Variants in TMCC1 observed in about 807,000 individuals in gnomAD.
TMCC1 encodes the protein transmembrane and coiled-coil domains protein 1.
TMCC1 carries 15 observed loss-of-function variants against 52.4 expected under a neutral mutation model. The ratio of observed to expected loss-of-function variants is 0.29; its 90% CI spans 0.19 to 0.44. TMCC1 has a LOEUF of 0.44. Ranked by LOEUF, TMCC1 falls within the 20% of genes least tolerant of loss-of-function variation. TMCC1 has a pLI of 1.00. For missense variants in TMCC1, 503 were observed against 806.0 expected (o/e 0.62, Z 4.55); for synonymous variants, 279 against 301.9 (o/e 0.92, Z 0.79).
chr3:129,822,751 T>A (rs2058479486), intron 4 of TMCC1, among the ~76,000 whole-genome samples: 1 of 152,182 alleles, frequency 6.6e-6, no homozygotes, highest in African/African-American at 2.4e-5. Context: ...TCAGGCAGGT[T>A]TTTAACATCT....
In TMCC1 at chr3:129,713,033, G is replaced by A. The variant is rs993930832; in HGVS notation, c.577-41769C>T. Among the ~76,000 whole-genome samples, 6 of 152,198 alleles carry A rather than the reference G, an allele frequency of 3.9e-5. 1 individual carries two copies. Among genetic ancestry groups the A allele is most frequent in the South Asian group, 4.2e-4 (2 of 4,816 alleles). On this transcript the variant is annotated intron_variant, in intron 4 of 6. Transcript: ENST00000393238. ...TCCCAGCACTTTGGGGTGCCAAGGCGGGAGGATTGCTTGAGCCCAGGAGTT... is the reference window on the plus strand; with the variant it reads ...TCCCAGCACTTTGGGGTGCCAAGGCAGGAGGATTGCTTGAGCCCAGGAGTT...
chr3:129,768,371 A>G (rs988381027), intron 4 of TMCC1, among the ~76,000 whole-genome samples: 17 of 152,200 alleles, frequency 1.1e-4, no homozygotes, highest in African/African-American at 4.1e-4. Context: ...ATGCCCATAT[A>G]TTTAGAAATA....
chr3:129,661,632 T>C (rs570749978), intron 5 of TMCC1, among the ~76,000 whole-genome samples: 1 of 152,102 alleles, frequency 6.6e-6, no homozygotes, highest in Admixed American at 6.5e-5. Context: ...AAACCCTGTC[T>C]CTACTAAAAA....
intron 5 of TMCC1, among the ~76,000 whole-genome samples, chr3:129,658,142 G>A (rs774967705): frequency 7.9e-5 from 12 of 152,042 alleles, no homozygotes; most frequent in Admixed American, 1.3e-4. Flanking sequence ...TCCTTCAATC[G>A]ATGGATGCTC....
At chr3:129,669,237 T>C (rs955975231) in intron 5 of TMCC1, among the ~76,000 whole-genome samples, 8 of 152,202 alleles carry the variant, frequency 5.3e-5, no homozygotes, top group African/African-American at 1.9e-4. Context: ...GAAAAGGATA[T>C]TAAAAGATTA....
At chr3:129,718,884 CTGTT>C (rs1052090930) in intron 4 of TMCC1, among the ~76,000 whole-genome samples, 9 of 152,096 alleles carry the variant, frequency 5.9e-5, no homozygotes, top group Admixed American at 2.0e-4. Context: ...CAGCAATAGA[CTGTT>C]AGTTAAGCTT....
chr3:129,819,221 T>A (rs2058288562), intron 4 of TMCC1, among the ~76,000 whole-genome samples: 1 of 152,150 alleles, frequency 6.6e-6, no homozygotes, highest in African/African-American at 2.4e-5. Context: ...TAGCTGGGAT[T>A]ACAGGTGTGC....
chr3:129,689,946 G>A (rs1353268584), intron 4 of TMCC1, among the ~76,000 whole-genome samples: 1 of 152,170 alleles, frequency 6.6e-6, no homozygotes, highest in Non-Finnish European at 1.5e-5. Context: ...CCCTAATCCT[G>A]TACCACTAGC....
At chr3:129,813,706 C>A (rs1053297597) in intron 4 of TMCC1, among the ~76,000 whole-genome samples, 1 of 151,766 alleles carries the variant, frequency 6.6e-6, no homozygotes, top group African/African-American at 2.4e-5. Flanking sequence ...ATGCTTATTA[C>A]CTGGGTAATG....
At chr3:129,814,225 G>A (rs768585416) in intron 4 of TMCC1, among the ~76,000 whole-genome samples, 1 of 151,996 alleles carries the variant, frequency 6.6e-6, no homozygotes, top group African/African-American at 2.4e-5. Context: ...TCACTCACAG[G>A]CTAATTTTCC....
chr3:129,882,019 C>A (rs956081778), intron 1 of TMCC1, among the ~76,000 whole-genome samples: 3 of 151,990 alleles, frequency 2.0e-5, no homozygotes, highest in African/African-American at 7.3e-5. Context: ...GCAAAAAACT[C>A]AAAAGAAAGC....
chr3:129,677,622 G>T (rs2088569468), intron 4 of TMCC1, among the ~76,000 whole-genome samples: 1 of 152,134 alleles, frequency 6.6e-6, no homozygotes, highest in Non-Finnish European at 1.5e-5. Context: ...ATTGTGATAA[G>T]ATGAAATTCT....
At chr3:129,798,344 G>C (rs1255103384) in intron 4 of TMCC1, among the ~76,000 whole-genome samples, 1 of 151,804 alleles carries the variant, frequency 6.6e-6, no homozygotes, top group Admixed American at 6.6e-5. Flanking sequence ...CATTTTTCTC[G>C]CAGAGATAGT....
intron 2 of TMCC1, among the ~76,000 whole-genome samples, chr3:129,843,038 G>C (rs2059492182): frequency 6.6e-6 from 1 of 152,044 alleles, no homozygotes; most frequent in South Asian, 2.1e-4. Context: ...AGTAAAAAAA[G>C]AACAAATTAT....
At position 129,651,345 on chromosome 3, in the gene TMCC1, A is replaced by G. The variant is rs2086308873; in HGVS notation, c.*136T>C. On this transcript the variant is annotated 3_prime_UTR_variant, in exon 7 of 7. Transcript: ENST00000393238. This position sits in a 1 kb window ranked among gnomAD's most constrained non-coding sequence, Gnocchi z 5.1. Reference sequence around the variant, plus strand: ...TGCAATTGCGTCTCTTGAAGAAAAAAACATTATTCTAAATGTAAACAGATT... The same window carrying G: ...TGCAATTGCGTCTCTTGAAGAAAAAGACATTATTCTAAATGTAAACAGATT... The G allele has an allele frequency of 9.5e-7, 1 of 1,053,792 alleles. No homozygotes were observed. The highest frequency in any genetic ancestry group is 1.3e-6 in the Non-Finnish European group (1 of 741,012). 65.3% of individuals were successfully genotyped at this position (1,053,792 alleles called of 1,614,324 possible).
At chr3:129,830,695 G>T (rs1245197029) in intron 3 of TMCC1, among the ~76,000 whole-genome samples, 1 of 152,178 alleles carries the variant, frequency 6.6e-6, no homozygotes, top group Non-Finnish European at 1.5e-5. Context: ...TTTATCCCAT[G>T]AGATTAAAAG....
chr3:129,767,565 G>C (rs1383531595), intron 4 of TMCC1, among the ~76,000 whole-genome samples: 2 of 151,966 alleles, frequency 1.3e-5, no homozygotes, highest in Admixed American at 6.6e-5. Context: ...GTAGAGACAG[G>C]ATCTTTCTAT....
intron 4 of TMCC1, among the ~76,000 whole-genome samples, chr3:129,713,812 C>G (rs1576548483): frequency 6.6e-6 from 1 of 152,032 alleles, no homozygotes; most frequent in East Asian, 1.9e-4. Flanking sequence ...TTCTAGACCA[C>G]CTACTTCCCC....
At chr3:129,798,369 A>G (rs1052645862) in intron 4 of TMCC1, among the ~76,000 whole-genome samples, 1 of 152,064 alleles carries the variant, frequency 6.6e-6, no homozygotes, top group Non-Finnish European at 1.5e-5. Context: ...CAGTATTCTG[A>G]AATTATCTCC....
Sources: allele counts gnomAD v4.1 joint callset (sites outside exome capture counted in the v4.1 genomes callset), GRCh38; gene constraint gnomAD v4.1.1; non-coding constraint Gnocchi (gnomAD v3.1); transcripts MANE v1.5; gene names NCBI Gene and HGNC (gene_info 2026-07-23, HGNC 2026-07-21).